The following ASTN2 variants were observed in gnomAD, a reference collection of about 807,000 sequenced individuals.
ASTN2 encodes the protein astrotactin 2.
Under a neutral mutation model 139.8 loss-of-function variants are expected in ASTN2, and 54 were observed. The ratio of observed to expected loss-of-function variants is 0.39; its 90% CI spans 0.31 to 0.48. ASTN2 has a LOEUF of 0.48. ASTN2 is among the 20% of genes least tolerant of loss of function. The probability of loss-of-function intolerance (pLI) is 0.95; values close to 1 mark genes in which losing one functional copy is unlikely to be tolerated. For synonymous variants in ASTN2, 756 were observed against 719.5 expected, an observed-to-expected ratio of 1.05 and a Z score of -0.81; for missense variants, 1,565 against 1,725.1, an observed-to-expected ratio of 0.91 and a Z score of 1.64.
rs549243723 is a variant in ASTN2, at chr9:116,861,158, CTCTTT to C, written c.2040+2420_2040+2424del. Among the ~76,000 whole-genome samples the C allele has an allele frequency of 1.4e-3, 214 of 151,994 alleles. 4 individuals carry two copies. The South Asian group carries it at 0.036, about 25-fold the overall frequency. Reference sequence around the variant, plus strand: ...GAATGAATGTTCTTTCTCTTTCTCTCTCTTTTAATTTTTCCAGTTTATATGAATAA... The same window carrying C: ...GAATGAATGTTCTTTCTCTTTCTCTCTAATTTTTCCAGTTTATATGAATAA... On this transcript the variant is annotated intron_variant, in intron 11 of 22. Transcript: ENST00000313400.
At chr9:116,600,940 C>G (rs1854864401) in intron 19 of ASTN2, among the ~76,000 whole-genome samples, 1 of 151,982 alleles carries the variant, frequency 6.6e-6, no homozygotes, top group Non-Finnish European at 1.5e-5. Flanking sequence ...TGGCAATGTA[C>G]TAGGCACTGG....
chr9:117,336,779 C>T (rs1828898423), intron 1 of ASTN2, among the ~76,000 whole-genome samples: 1 of 152,150 alleles, frequency 6.6e-6, no homozygotes, highest in Admixed American at 6.6e-5. Context: ...GGCCCCACCC[C>T]TTTGTTCTCT....
chr9:116,770,008 C>T (rs1175045023), intron 13 of ASTN2, among the ~76,000 whole-genome samples: 2 of 150,790 alleles, frequency 1.3e-5, no homozygotes, highest in Admixed American at 6.6e-5. Context: ...CTGGGAAACA[C>T]AGCAAGACCT....
chr9:117,298,427 T>C (rs1834787402), intron 1 of ASTN2, among the ~76,000 whole-genome samples: 1 of 152,086 alleles, frequency 6.6e-6, no homozygotes, highest in Non-Finnish European at 1.5e-5. Context: ...AACCTGTGTG[T>C]TTTTGGGCAA....
chr9:116,889,834 G>C (rs1002465677), intron 10 of ASTN2, among the ~76,000 whole-genome samples: 1 of 151,936 alleles, frequency 6.6e-6, no homozygotes, highest in African/African-American at 2.4e-5. Context: ...GGAAGGCTGG[G>C]GTAGGAGGAT....
chr9:116,721,910 C>G (rs1407093860), intron 16 of ASTN2, among the ~76,000 whole-genome samples: 1 of 152,154 alleles, frequency 6.6e-6, no homozygotes, highest in Non-Finnish European at 1.5e-5. Context: ...GAAGAAAATA[C>G]AGAGGATCTA....
intron 10 of ASTN2, among the ~76,000 whole-genome samples, chr9:116,903,547 A>C (rs968137190): frequency 3.9e-5 from 6 of 152,190 alleles, no homozygotes; most frequent in African/African-American, 1.4e-4. Context: ...ATACCACTCA[A>C]CAGGTGAATT....
intron 10 of ASTN2, among the ~76,000 whole-genome samples, chr9:116,883,082 CA>C (rs1833492975): frequency 6.6e-6 from 1 of 152,128 alleles, no homozygotes; most frequent in African/African-American, 2.4e-5. Flanking sequence ...GACATATGCA[CA>C]ATGATGTTCG....
intron 3 of ASTN2, among the ~76,000 whole-genome samples, chr9:117,151,180 A>T (rs1427941535): frequency 6.6e-6 from 1 of 152,134 alleles, no homozygotes; most frequent in East Asian, 1.9e-4. Flanking sequence ...AGAAAAAAAA[A>T]CAAGTAACAA....
intron 10 of ASTN2, among the ~76,000 whole-genome samples, chr9:116,935,020 T>C (rs914517215): frequency 6.6e-6 from 1 of 152,186 alleles, no homozygotes; most frequent in African/African-American, 2.4e-5. Flanking sequence ...TTCTTACCTG[T>C]AAAGAGGTTA....
intron 16 of ASTN2, chr9:116,701,169 A>T (rs1168747285): frequency 6.0e-6 from 1 of 167,106 alleles, no homozygotes; most frequent in African/African-American, 2.4e-5. Flanking sequence ...CAACTGCCTT[A>T]CTTTGATGTA....
intron 10 of ASTN2, among the ~76,000 whole-genome samples, chr9:116,928,522 C>T (rs930266114): frequency 4.6e-5 from 7 of 152,166 alleles, no homozygotes; most frequent in African/African-American, 1.4e-4. Flanking sequence ...GCAGCAGATA[C>T]TCAAGCCTAC....
intron 10 of ASTN2, among the ~76,000 whole-genome samples, chr9:116,964,259 G>GCGCGCGCA (rs1835951295): frequency 4.3e-5 from 4 of 92,660 alleles, no homozygotes; most frequent in African/African-American, 1.1e-4. Context: ...GTGTGTGTGC[G>GCGCGCGCA]CGCGCGCGCG....
chr9:117,377,300 T>A (rs1178742403), intron 1 of ASTN2, among the ~76,000 whole-genome samples: 1 of 152,214 alleles, frequency 6.6e-6, no homozygotes, highest in Non-Finnish European at 1.5e-5. Context: ...CTCCCCATTC[T>A]GCAAAGCCTT....
chr9:116,883,430 T>C (rs1833506161), intron 10 of ASTN2, among the ~76,000 whole-genome samples: 1 of 152,150 alleles, frequency 6.6e-6, no homozygotes, highest in Admixed American at 6.5e-5. Flanking sequence ...TTATATAATA[T>C]CCATGTCCCT....
At chr9:116,962,122 G>A (rs1234414061) in intron 10 of ASTN2, among the ~76,000 whole-genome samples, 1 of 152,164 alleles carries the variant, frequency 6.6e-6, no homozygotes, top group Admixed American at 6.5e-5. Context: ...CAACTGGCAG[G>A]GTTGCTTCTT....
At chr9:117,089,426 T>C (rs1199586146) in intron 5 of ASTN2, among the ~76,000 whole-genome samples, 1 of 152,232 alleles carries the variant, frequency 6.6e-6, no homozygotes, top group Non-Finnish European at 1.5e-5. Context: ...TTGGCACACT[T>C]AAAACAATGA....
intron 1 of ASTN2, among the ~76,000 whole-genome samples, chr9:117,402,091 G>C (rs1436164327): frequency 6.6e-6 from 1 of 152,152 alleles, no homozygotes. Flanking sequence ...TTTTGAGACA[G>C]AGTCTTGTTC....
chr9:117,067,061 T>C (rs573359003), intron 5 of ASTN2, among the ~76,000 whole-genome samples: 1 of 86,504 alleles, frequency 1.2e-5, no homozygotes, highest in East Asian at 3.0e-4. Flanking sequence ...TTTTGGTGTT[T>C]TAGACATGAA....
Sources: gnomAD v4.1 joint callset for allele counts (sites outside exome capture counted in the v4.1 genomes callset) on GRCh38, gnomAD v4.1.1 for gene constraint, MANE v1.5 for transcripts, NCBI Gene and HGNC (gene_info 2026-07-23, HGNC 2026-07-21) for gene names.